Variants in GRK5 observed in about 807,000 individuals in gnomAD.
GRK5 encodes g protein-coupled receptor kinase GRK5.
GRK5 carries 40 observed loss-of-function variants against 78.4 expected under a neutral mutation model. The observed-to-expected ratio is 0.51, with a 90% CI of 0.40 to 0.66. The LOEUF (loss-of-function observed/expected upper bound fraction) is 0.66, where lower values mean the gene tolerates loss of function less well. Among genes scored for constraint, GRK5 ranks in the 30% least tolerant of loss-of-function variants. The pLI, the probability that GRK5 is intolerant of heterozygous loss-of-function variation, is 0.00. For synonymous variants in GRK5, 289 were observed against 296.8 expected, an observed-to-expected ratio of 0.97 and a Z score of 0.27; for missense variants, 598 against 759.9, an observed-to-expected ratio of 0.79 and a Z score of 2.50.
chr10:119,344,872 C>CGCTTCCTTCCTTCCTTCCTT (rs1554909241), intron 2 of GRK5, among the ~76,000 whole-genome samples: 1 of 73,662 alleles, frequency 1.4e-5, no homozygotes, highest in Non-Finnish European at 2.7e-5. Flanking sequence ...ACAAGACCCA[C>CGCTTCCTTCCTTCCTTCCTT]CCTTCCTTCC....
chr10:119,338,436 C>T (rs1379295241), intron 2 of GRK5, among the ~76,000 whole-genome samples: 1 of 152,228 alleles, frequency 6.6e-6, no homozygotes, highest in East Asian at 1.9e-4. Flanking sequence ...TTAACGCCTT[C>T]ATGTAATTTC....
chr10:119,352,316 A>T (rs1851197641), intron 2 of GRK5, among the ~76,000 whole-genome samples: 1 of 152,218 alleles, frequency 6.6e-6, no homozygotes. Flanking sequence ...AGAAAAAGAT[A>T]AGAGGGAAAG....
chr10:119,284,579 A>G (rs1849815634), intron 1 of GRK5, among the ~76,000 whole-genome samples: 1 of 152,218 alleles, frequency 6.6e-6, no homozygotes, highest in African/African-American at 2.4e-5. Context: ...AACTCCCACC[A>G]GCCACATCTC....
At chr10:119,395,440 T>C (rs1237764582) in intron 3 of GRK5, among the ~76,000 whole-genome samples, 2 of 152,184 alleles carry the variant, frequency 1.3e-5, no homozygotes, top group Non-Finnish European at 2.9e-5. Flanking sequence ...GGCATCTGAC[T>C]GCATGGTGGG....
rs754181731 is a variant in GRK5, at chr10:119,430,477, A to G, written c.597+39A>G. The stretch of plus-strand genomic sequence containing the variant: ...CACGTTTTTAATTGAAAGTTCTTAC[A>G]TTCAAGTCACCTTTCCTGTCCCTTC... On this transcript the variant is annotated intron_variant, in intron 7 of 15. Coordinates refer to ENST00000392870, the MANE Select transcript of GRK5 (RefSeq NM_005308.3). This position sits in a 1 kb window ranked among gnomAD's most constrained non-coding sequence, Gnocchi z 4.5. 12 of 1,566,500 alleles carry G rather than the reference A, an allele frequency of 7.7e-6. No homozygotes were observed. Among genetic ancestry groups the G allele is most frequent in the Non-Finnish European group, 3.5e-6 (4 of 1,138,456 alleles).
chr10:119,398,007 G>A (rs1033191732), intron 4 of GRK5, among the ~76,000 whole-genome samples: 1 of 152,226 alleles, frequency 6.6e-6, no homozygotes, highest in Non-Finnish European at 1.5e-5. Flanking sequence ...CAGAATTTAT[G>A]TTTATAAAAC....
rs553519344 is a variant in GRK5 at position 119,395,211 on chromosome 10, G to A, written c.262-1484G>A. Among the ~76,000 whole-genome samples the A allele has an allele frequency of 1.4e-4, 22 of 152,340 alleles. No individual in the cohort carries two copies. The South Asian group carries it at 1.9e-3, about 13-fold the overall frequency. ...TGCCCTATCTCCCTGTGATCTAAATGATTGTAGTGTTCATGTTTCTTCATG... is the reference window on the plus strand; with the variant it reads ...TGCCCTATCTCCCTGTGATCTAAATAATTGTAGTGTTCATGTTTCTTCATG... On this transcript the variant is annotated intron_variant, in intron 3 of 15. Coordinates refer to ENST00000392870, the MANE Select transcript of GRK5 (RefSeq NM_005308.3).
At chr10:119,358,799 A>C (rs1851309132) in intron 2 of GRK5, among the ~76,000 whole-genome samples, 1 of 152,134 alleles carries the variant, frequency 6.6e-6, no homozygotes, top group African/African-American at 2.4e-5. Context: ...TTCTTTCCTC[A>C]CAGTTCTGGG....
intron 2 of GRK5, among the ~76,000 whole-genome samples, chr10:119,343,273 G>C (rs953949133): frequency 6.6e-5 from 10 of 152,204 alleles, no homozygotes; most frequent in African/African-American, 2.4e-4. Context: ...ATGAGAGAGA[G>C]AGAGAGAGAG....
At chr10:119,209,081 T>G (rs1448728218) in intron 1 of GRK5, among the ~76,000 whole-genome samples, 1 of 152,192 alleles carries the variant, frequency 6.6e-6, no homozygotes, top group African/African-American at 2.4e-5. Flanking sequence ...TGAAAATGTC[T>G]TACCTGCTTA....
intron 2 of GRK5, among the ~76,000 whole-genome samples, chr10:119,367,683 C>T (rs1851471211): frequency 6.6e-6 from 1 of 152,240 alleles, no homozygotes; most frequent in Non-Finnish European, 1.5e-5. Flanking sequence ...GGAATGGCCT[C>T]ACAGCATGGT....
intron 4 of GRK5, among the ~76,000 whole-genome samples, chr10:119,420,005 C>T (rs1469920153): frequency 6.6e-6 from 1 of 152,090 alleles, no homozygotes; most frequent in African/African-American, 2.4e-5. Context: ...GCACAGGTGG[C>T]CCAGACAGCC....
intron 8 of GRK5, among the ~76,000 whole-genome samples, chr10:119,434,674 G>A (rs1213837169): frequency 6.6e-6 from 1 of 152,248 alleles, no homozygotes; most frequent in Non-Finnish European, 1.5e-5. Context: ...GCTTTCATGG[G>A]CTGGCATTGA....
At chr10:119,441,924 G>C in intron 10 of GRK5, 75 bp from the exon 11 acceptor site, 1 of 1,183,314 alleles carries the variant, frequency 8.5e-7, no homozygotes, top group Non-Finnish European at 1.3e-6. Context: ...CGTATGCCTT[G>C]CCCAAGGGCA....
chr10:119,249,252 C>T lies in GRK5; in HGVS notation c.52+41283C>T, dbSNP rs985506927. ...TGCCATTGTGCTCCAGCCTGGGCAA[C>T]AAGAGCGAAACTTCGTCTCAAAAAA... is the stretch of plus-strand genomic sequence containing the variant. On this transcript the variant is annotated intron_variant, in intron 1 of 15. Transcript: ENST00000392870. Among the ~76,000 whole-genome samples the T allele has an allele frequency of 6.0e-5, 9 of 150,798 alleles. No homozygotes were observed. The East Asian group carries it at 1.4e-3, about 23-fold the overall frequency.
rs1848409700 is a variant in GRK5, at chr10:119,207,794, C to T, written c.-124C>T. The T allele has an allele frequency of 4.5e-6, 4 of 890,130 alleles. No homozygotes were observed. Among genetic ancestry groups the T allele is most frequent in the Non-Finnish European group, 6.7e-6 (4 of 596,184 alleles). 55.1% of individuals were successfully genotyped at this position (890,130 alleles called of 1,614,324 possible). Reference sequence around the variant, plus strand: ...AGCAGGAATAATGCGGTAGGCAAGGCGGGCTGCTGGCTCCCCCGGCTCCGG... The same window carrying T: ...AGCAGGAATAATGCGGTAGGCAAGGTGGGCTGCTGGCTCCCCCGGCTCCGG... On this transcript the variant is annotated 5_prime_UTR_variant, in exon 1 of 16. Coordinates refer to ENST00000392870, the MANE Select transcript of GRK5 (RefSeq NM_005308.3).
chr10:119,423,111 G>T, intron 4 of GRK5, 55 bp from the exon 5 acceptor site: 1 of 1,233,740 alleles, frequency 8.1e-7, no homozygotes, highest in South Asian at 1.2e-5. Context: ...GGGCAAACCC[G>T]GCCGCACTGC....
intron 1 of GRK5, among the ~76,000 whole-genome samples, chr10:119,260,843 CT>C (rs1450944990): frequency 9.2e-5 from 14 of 152,078 alleles, no homozygotes; most frequent in Admixed American, 9.2e-4. Context: ...ATTTCTCAAT[CT>C]TTTCCCCACC....
intron 4 of GRK5, among the ~76,000 whole-genome samples, chr10:119,422,603 C>T (rs1399435059): frequency 6.6e-6 from 1 of 152,210 alleles, no homozygotes; most frequent in Non-Finnish European, 1.5e-5. Flanking sequence ...TTCCTGTCCA[C>T]CTTGGCCTGA....
Sources: gnomAD v4.1 joint callset for allele counts (sites outside exome capture counted in the v4.1 genomes callset) on GRCh38, gnomAD v4.1.1 for gene constraint, Gnocchi (gnomAD v3.1) non-coding constraint, MANE v1.5 for transcripts, NCBI Gene and HGNC (gene_info 2026-07-23, HGNC 2026-07-21) for gene names.